Variants in TMEM45A observed in about 807,000 individuals in gnomAD.
The protein encoded by TMEM45A is transmembrane protein 45A, also known as DNA polymerase-transactivated protein 4.
Under a neutral mutation model 32.0 loss-of-function variants are expected in TMEM45A, and 25 were observed. That is an observed-to-expected ratio of 0.78 (90% confidence interval 0.57 to 1.09). The LOEUF (loss-of-function observed/expected upper bound fraction) is 1.09. Ranked by LOEUF, TMEM45A falls within the 50% of genes least tolerant of loss-of-function variation. TMEM45A has a pLI of 0.00. For missense variants in TMEM45A, 302 were observed against 325.0 expected (o/e 0.93, Z 0.54); for synonymous variants, 122 against 114.8 (o/e 1.06, Z -0.40).
rs549177422 is a variant in TMEM45A at position 100,529,555 on chromosome 3, C to T, written c.-3-25654C>T. Among the ~76,000 whole-genome samples, 3 of 152,248 alleles carry T rather than the reference C, an allele frequency of 2.0e-5. No homozygotes were observed. The South Asian group carries it at 6.2e-4, about 32-fold the overall frequency. ...AGAAGAATCACCTCCAAGACTAGACCTTTGGGTTGTAACTGCTCCCTTGTG... is the reference window on the plus strand; with the variant it reads ...AGAAGAATCACCTCCAAGACTAGACTTTTGGGTTGTAACTGCTCCCTTGTG... On this transcript the variant is annotated intron_variant, in intron 1 of 5. Coordinates refer to ENST00000323523, the MANE Select transcript of TMEM45A (RefSeq NM_018004.3).
chr3:100,547,371 C>G (rs952496181), intron 1 of TMEM45A, among the ~76,000 whole-genome samples: 1 of 152,172 alleles, frequency 6.6e-6, no homozygotes, highest in Non-Finnish European at 1.5e-5. Flanking sequence ...CTGCGTGCCT[C>G]AGCCTCCCAA....
chr3:100,503,250 C>T (rs1436888063), intron 1 of TMEM45A, among the ~76,000 whole-genome samples: 1 of 152,128 alleles, frequency 6.6e-6, no homozygotes, highest in Non-Finnish European at 1.5e-5. Context: ...GGACTATAGG[C>T]ACACACCACC....
chr3:100,524,803 G>A (rs546618538), intron 1 of TMEM45A, among the ~76,000 whole-genome samples: 120 of 152,224 alleles, frequency 7.9e-4, no homozygotes, highest in African/African-American at 2.6e-3. Context: ...CTTCCTTCCT[G>A]CAATGACATT....
At chr3:100,526,641 T>A (rs1339162355) in intron 1 of TMEM45A, among the ~76,000 whole-genome samples, 1 of 152,192 alleles carries the variant, frequency 6.6e-6, no homozygotes, top group Non-Finnish European at 1.5e-5. Flanking sequence ...GCAGATAGAC[T>A]TAAGGCAAGT....
At chr3:100,565,934 C>T (rs902285265) in intron 4 of TMEM45A, among the ~76,000 whole-genome samples, 1 of 152,210 alleles carries the variant, frequency 6.6e-6, no homozygotes, top group Non-Finnish European at 1.5e-5. Flanking sequence ...ACTCTCCCGT[C>T]TCTCCTCCTA....
chr3:100,539,490 T>TATACGTATAC (rs1383500797), intron 1 of TMEM45A, among the ~76,000 whole-genome samples: 1,072 of 71,958 alleles, frequency 0.015, 14 homozygotes, highest in Middle Eastern at 0.023. Flanking sequence ...TATATGTATA[T>TATACGTATAC]GTATACGTAT....
intron 1 of TMEM45A, among the ~76,000 whole-genome samples, chr3:100,528,261 G>C (rs577851502): frequency 1.3e-5 from 2 of 152,126 alleles, no homozygotes; most frequent in Non-Finnish European, 2.9e-5. Flanking sequence ...GGAACCTTTC[G>C]CATCTCTAAG....
At chr3:100,537,063 G>A (rs1220490721) in intron 1 of TMEM45A, among the ~76,000 whole-genome samples, 2 of 151,904 alleles carry the variant, frequency 1.3e-5, no homozygotes, top group Non-Finnish European at 2.9e-5. Flanking sequence ...CTGGGATTAC[G>A]GGCACCCCAC....
intron 5 of TMEM45A, among the ~76,000 whole-genome samples, chr3:100,575,086 A>T (rs925651349): frequency 2.6e-4 from 39 of 152,288 alleles, no homozygotes; most frequent in African/African-American, 9.1e-4. Flanking sequence ...TAGACTGGTG[A>T]AATTTTTCAT....
chr3:100,503,108 CTCT>C lies in TMEM45A; in HGVS notation c.-4+10188_-4+10190del, dbSNP rs540993250. Among the ~76,000 whole-genome samples, 1,242 of 150,396 alleles carry C rather than the reference CTCT, an allele frequency of 8.3e-3. 7 individuals carry two copies. The highest frequency in any genetic ancestry group is 0.013 in the Non-Finnish European group (873 of 67,656). On this transcript the variant is annotated intron_variant, in intron 1 of 5. Transcript: ENST00000323523. Reference sequence around the variant, plus strand: ...CTTCCTCTTCTTCCTCTTCCTCTTCCTCTTCTTCTTTTATTGAGACACAGTTTC... The same window carrying C: ...CTTCCTCTTCTTCCTCTTCCTCTTCCTCTTCTTTTATTGAGACACAGTTTC...
In TMEM45A at chr3:100,568,761, T is replaced by C. The variant is rs1475160170; in HGVS notation, c.589-61T>C. The C allele has an allele frequency of 3.4e-6, 5 of 1,475,048 alleles. No individual in the cohort carries two copies. In the East Asian group the frequency reaches 6.9e-5, roughly 20 times the overall value. 91.4% of individuals were successfully genotyped at this position (1,475,048 alleles called of 1,614,324 possible). Reference sequence around the variant, plus strand: ...TACCTCGGAAGCAAGTATTTTGAAATGTACCATTTTTGGGAATGTGATTGG... The same window carrying C: ...TACCTCGGAAGCAAGTATTTTGAAACGTACCATTTTTGGGAATGTGATTGG... On this transcript the variant is annotated intron_variant, in intron 4 of 5. Transcript: ENST00000323523.
intron 1 of TMEM45A, among the ~76,000 whole-genome samples, chr3:100,517,018 G>A (rs1021780751): frequency 1.3e-5 from 2 of 152,120 alleles, no homozygotes; most frequent in Admixed American, 1.3e-4. Context: ...CTCACATTGA[G>A]CCTGGTTAAG....
intron 1 of TMEM45A, among the ~76,000 whole-genome samples, chr3:100,494,720 C>T (rs1314485391): frequency 2.0e-5 from 3 of 152,102 alleles, no homozygotes; most frequent in Non-Finnish European, 4.4e-5. Context: ...TGCAGGGAAG[C>T]AGGCTTAGAA....
intron 1 of TMEM45A, among the ~76,000 whole-genome samples, chr3:100,539,528 A>C (rs1705822737): frequency 9.4e-6 from 1 of 106,454 alleles, no homozygotes. Context: ...TATGTGGGGA[A>C]CCATTATGGG....
chr3:100,543,238 T>C (rs1705921926), intron 1 of TMEM45A, among the ~76,000 whole-genome samples: 1 of 152,190 alleles, frequency 6.6e-6, no homozygotes, highest in South Asian at 2.1e-4. Context: ...TCATATTATT[T>C]ATTCATTTCT....
intron 1 of TMEM45A, among the ~76,000 whole-genome samples, chr3:100,511,985 T>A (rs1708172177): frequency 6.6e-6 from 1 of 151,824 alleles, no homozygotes; most frequent in Non-Finnish European, 1.5e-5. Context: ...AAATCCTGAG[T>A]GACCTACAAA....
chr3:100,540,645 A>G (rs970572525), intron 1 of TMEM45A, among the ~76,000 whole-genome samples: 3 of 152,214 alleles, frequency 2.0e-5, no homozygotes, highest in Non-Finnish European at 4.4e-5. Context: ...TCTTACAAAG[A>G]TAACATACAA....
chr3:100,534,019 C>T (rs1027102934), intron 1 of TMEM45A, among the ~76,000 whole-genome samples: 6 of 152,138 alleles, frequency 3.9e-5, no homozygotes, highest in Non-Finnish European at 8.8e-5. Context: ...TTTTTATGAG[C>T]TGTTCAAGCC....
chr3:100,493,034 T>C (rs1341658562), intron 1 of TMEM45A, 106 bp downstream of exon 1: 1 of 152,048 alleles, frequency 6.6e-6, no homozygotes, highest in African/African-American at 2.4e-5. Flanking sequence ...GGGAGAAAAG[T>C]AACACTTGCT....
Sources: gnomAD v4.1 joint callset for allele counts (sites outside exome capture counted in the v4.1 genomes callset) on GRCh38, gnomAD v4.1.1 for gene constraint, MANE v1.5 for transcripts, NCBI Gene and HGNC (gene_info 2026-07-23, HGNC 2026-07-21) for gene names.